The following ADAMTSL1 variants were observed in gnomAD, a reference collection of about 807,000 sequenced individuals.
The protein encoded by ADAMTSL1 is ADAMTS-like protein 1.
Under a neutral mutation model 201.8 loss-of-function variants are expected in ADAMTSL1, and 126 were observed. That is an observed-to-expected ratio of 0.62 (90% CI 0.54 to 0.72). ADAMTSL1 has a LOEUF of 0.72. Among genes scored for constraint, ADAMTSL1 ranks in the 30% least tolerant of loss-of-function variants. ADAMTSL1 has a pLI of 0.00. For synonymous variants in ADAMTSL1, 1,121 were observed against 903.4 expected (o/e 1.24, Z -4.32); for missense variants, 2,679 against 2,277.8 (o/e 1.18, Z -3.59).
chr9:18,049,323 G>C (rs1265337345), intron 1 of ADAMTSL1, among the ~76,000 whole-genome samples: 1 of 152,154 alleles, frequency 6.6e-6, no homozygotes, highest in Non-Finnish European at 1.5e-5. Context: ...CTCTACCAGT[G>C]GTGATTTTCA....
At chr9:18,567,626 G>A (rs867439973) in intron 3 of ADAMTSL1, among the ~76,000 whole-genome samples, 1 of 152,076 alleles carries the variant, frequency 6.6e-6, no homozygotes, top group Non-Finnish European at 1.5e-5. Flanking sequence ...GTGAGCAGTT[G>A]TATACAGTAG....
At chr9:18,250,534 C>G (rs1383579281) in intron 2 of ADAMTSL1, among the ~76,000 whole-genome samples, 2 of 152,066 alleles carry the variant, frequency 1.3e-5, no homozygotes, top group Non-Finnish European at 2.9e-5. Context: ...AAAGGCCCAG[C>G]TTTAGACACT....
intron 16 of ADAMTSL1, among the ~76,000 whole-genome samples, chr9:18,765,954 C>T (rs1262441247): frequency 6.6e-6 from 1 of 152,038 alleles, no homozygotes; most frequent in Non-Finnish European, 1.5e-5. Context: ...GAGACTCAGC[C>T]ACATGAAGAT....
At chr9:18,083,418 G>A (rs1823602596) in intron 1 of ADAMTSL1, among the ~76,000 whole-genome samples, 1 of 152,200 alleles carries the variant, frequency 6.6e-6, no homozygotes, top group Non-Finnish European at 1.5e-5. Context: ...GTGCCAATGA[G>A]ACTAGGCTTT....
intron 2 of ADAMTSL1, among the ~76,000 whole-genome samples, chr9:18,172,650 T>G (rs1490666915): frequency 2.6e-5 from 4 of 152,036 alleles, no homozygotes; most frequent in Admixed American, 2.6e-4. Context: ...AGAGAAGCCC[T>G]TACACTTACA....
chr9:18,671,855 G>A (rs1246689991), intron 9 of ADAMTSL1, among the ~76,000 whole-genome samples: 59 of 152,188 alleles, frequency 3.9e-4, no homozygotes, highest in Admixed American at 3.7e-3. Flanking sequence ...GGCTAACAAG[G>A]TGAAACCCCA....
chr9:18,874,555 T>C (rs891369082), intron 23 of ADAMTSL1, among the ~76,000 whole-genome samples: 1 of 152,172 alleles, frequency 6.6e-6, no homozygotes, highest in Non-Finnish European at 1.5e-5. Context: ...ATGGGATTTT[T>C]TTATTTATGT....
At chr9:18,587,853 A>C (rs1037498823) in intron 4 of ADAMTSL1, among the ~76,000 whole-genome samples, 4 of 152,194 alleles carry the variant, frequency 2.6e-5, no homozygotes, top group Admixed American at 6.5e-5. Flanking sequence ...TATATATACC[A>C]TGTGTCATAA....
intron 15 of ADAMTSL1, among the ~76,000 whole-genome samples, chr9:18,745,079 T>C (rs1819056160): frequency 6.6e-6 from 1 of 152,352 alleles, no homozygotes; most frequent in African/African-American, 2.4e-5. Context: ...TTAATAAATA[T>C]GTAGCACTTA....
intron 21 of ADAMTSL1, among the ~76,000 whole-genome samples, chr9:18,823,498 C>G (rs989535726): frequency 6.6e-6 from 1 of 152,098 alleles, no homozygotes; most frequent in Non-Finnish European, 1.5e-5. Flanking sequence ...GAAATAGCTC[C>G]CAGGTCTGCT....
At chr9:18,433,748 A>G (rs1238265962) in intron 2 of ADAMTSL1, among the ~76,000 whole-genome samples, 1 of 152,202 alleles carries the variant, frequency 6.6e-6, no homozygotes, top group Non-Finnish European at 1.5e-5. Context: ...TAAACTACAC[A>G]CTTAAGAGTA....
chr9:18,260,976 G>C (rs972524981), intron 2 of ADAMTSL1, among the ~76,000 whole-genome samples: 1 of 146,436 alleles, frequency 6.8e-6, no homozygotes, highest in African/African-American at 2.5e-5. Context: ...TAGAGATTCT[G>C]CTGTTCTACT....
intron 23 of ADAMTSL1, among the ~76,000 whole-genome samples, chr9:18,866,115 C>CAAAAAAA (rs1827521138): frequency 3.7e-5 from 1 of 26,888 alleles, no homozygotes; most frequent in African/African-American, 6.8e-4. Flanking sequence ...CCTTCAAAAA[C>CAAAAAAA]CAAAAAAAAA....
chr9:18,032,450 A>G (rs1406149932), intron 1 of ADAMTSL1, among the ~76,000 whole-genome samples: 1 of 152,130 alleles, frequency 6.6e-6, no homozygotes, highest in Non-Finnish European at 1.5e-5. Flanking sequence ...GGGGCAGTGG[A>G]GGCTGAGCTG....
intron 2 of ADAMTSL1, among the ~76,000 whole-genome samples, chr9:18,411,011 GT>G (rs201747922): frequency 1.4e-5 from 2 of 145,738 alleles, no homozygotes; most frequent in Non-Finnish European, 3.0e-5. Flanking sequence ...CTGGCTAGTT[GT>G]TTTTTTTTGT....
chr9:18,657,415 G>C (rs1828759863), intron 7 of ADAMTSL1, among the ~76,000 whole-genome samples: 1 of 152,190 alleles, frequency 6.6e-6, no homozygotes. Flanking sequence ...CCCTTGCTCT[G>C]TGGCAACAGA....
intron 2 of ADAMTSL1, among the ~76,000 whole-genome samples, chr9:18,210,393 ATAT>A (rs1029188869): frequency 2.0e-3 from 3 of 1,490 alleles, no homozygotes; most frequent in South Asian, 0.5. Flanking sequence ...ATATACGCTA[ATAT>A]TATATATTAT....
chr9:18,236,507 C>G (rs1830856218), intron 2 of ADAMTSL1, among the ~76,000 whole-genome samples: 1 of 152,226 alleles, frequency 6.6e-6, no homozygotes, highest in South Asian at 2.1e-4. Flanking sequence ...GCTGTTTCAT[C>G]TGCAGTAGTA....
At chr9:18,834,914 TCTG>T (rs1437582888) in intron 23 of ADAMTSL1, among the ~76,000 whole-genome samples, 2 of 152,230 alleles carry the variant, frequency 1.3e-5, no homozygotes, top group South Asian at 2.1e-4. Flanking sequence ...TTATTACAAA[TCTG>T]CTGTGAAATT....
Sources: allele counts gnomAD v4.1 joint callset (sites outside exome capture counted in the v4.1 genomes callset), GRCh38; gene constraint gnomAD v4.1.1; transcripts MANE v1.5; gene names NCBI Gene and HGNC (gene_info 2026-07-23, HGNC 2026-07-21).